Variants in FOXP2 observed in about 807,000 individuals in gnomAD.
FOXP2 encodes forkhead box protein P2.
A neutral mutation model predicts 115.8 loss-of-function variants in FOXP2; 12 were observed. That is an observed-to-expected ratio of 0.10 (90% confidence interval 0.07 to 0.17). FOXP2 has a LOEUF of 0.17. Ranked by LOEUF, FOXP2 falls within the 10% of genes least tolerant of loss-of-function variation. The pLI is 1.00. For missense variants in FOXP2, 629 were observed against 843.5 expected (o/e 0.75, Z 3.15); for synonymous variants, 328 against 297.7 (o/e 1.10, Z -1.05).
rs969118623 is a variant in FOXP2, at chr7:114,691,213, C to A, written c.*1287C>A. The A allele has an allele frequency of 2.2e-6, 1 of 453,906 alleles. No homozygotes were observed. Among genetic ancestry groups the A allele is most frequent in the African/African-American group, 2.0e-5 (1 of 50,076 alleles). 28.1% of individuals were successfully genotyped at this position (453,906 alleles called of 1,614,324 possible). On this transcript the variant is annotated 3_prime_UTR_variant, in exon 17 of 17. Coordinates refer to ENST00000350908, the MANE Select transcript of FOXP2 (RefSeq NM_014491.4). ...GTGAATACATGTTGTTAGAAGATGT[C>A]TTGTATGGTCTTAATCTTTGTTGTG...
chr7:114,402,461 C>T (rs757877723), intron 2 of FOXP2, among the ~76,000 whole-genome samples: 8 of 152,088 alleles, frequency 5.3e-5, no homozygotes, highest in Admixed American at 2.6e-4. Flanking sequence ...CAATTGCCTA[C>T]TGAAGTTTGC....
upstream of FOXP2, among the ~76,000 whole-genome samples, chr7:114,411,030 G>C (rs752814752): frequency 6.6e-6 from 1 of 152,060 alleles, no homozygotes; most frequent in Non-Finnish European, 1.5e-5. Context: ...CTTAGTGTTT[G>C]GGACAGGAAG....
intron 3 of FOXP2, among the ~76,000 whole-genome samples, chr7:114,546,098 A>T (rs1799910787): frequency 6.6e-6 from 1 of 152,178 alleles, no homozygotes; most frequent in African/African-American, 2.4e-5. Context: ...GTTTGTATAT[A>T]ACTCTATCAA....
intron 3 of FOXP2, among the ~76,000 whole-genome samples, chr7:114,589,192 C>T (rs562907767): frequency 6.6e-6 from 1 of 152,152 alleles, no homozygotes; most frequent in South Asian, 2.1e-4. Context: ...CTTCATCTCT[C>T]GCCACTTGTT....
intron 7 of FOXP2, among the ~76,000 whole-genome samples, 155 bp downstream of exon 7, chr7:114,642,778 TAATATATA>T (rs1210230864): frequency 1.4e-5 from 1 of 73,964 alleles, no homozygotes; most frequent in Non-Finnish European, 2.7e-5. Context: ...ATTTTATATA[TAATATATA>T]TATATATATA....
At chr7:114,110,339 G>GTATA (rs1447342674) in intron 1 of FOXP2, among the ~76,000 whole-genome samples, 1 of 152,108 alleles carries the variant, frequency 6.6e-6, no homozygotes, top group East Asian at 1.9e-4. Context: ...AGAATTAAAA[G>GTATA]TATATGTCAA....
chr7:114,105,356 C>G (rs911592431), intron 1 of FOXP2, among the ~76,000 whole-genome samples: 1 of 152,012 alleles, frequency 6.6e-6, no homozygotes, highest in African/African-American at 2.4e-5. Context: ...GAAGTCTAGA[C>G]AGCTTTCCAA....
intron 1 of FOXP2, among the ~76,000 whole-genome samples, chr7:114,281,098 T>TC (rs1172709465): frequency 7.4e-6 from 1 of 134,392 alleles, no homozygotes; most frequent in East Asian, 2.1e-4. Context: ...AATTTGAATT[T>TC]TTTTTTTTTT....
chr7:114,391,178 A>G (rs1792590936), intron 2 of FOXP2, among the ~76,000 whole-genome samples: 1 of 149,932 alleles, frequency 6.7e-6, no homozygotes, highest in African/African-American at 2.5e-5. Flanking sequence ...CAAGAGCAAG[A>G]CTCCATCTCA....
intron 1 of FOXP2, among the ~76,000 whole-genome samples, chr7:114,192,053 T>G (rs549359653): frequency 1.3e-5 from 2 of 152,350 alleles, no homozygotes; most frequent in East Asian, 3.9e-4. Flanking sequence ...TTCTCCTGCC[T>G]CAGCCTCCTG....
intron 1 of FOXP2, among the ~76,000 whole-genome samples, chr7:114,106,890 C>T (rs955762561): frequency 1.3e-5 from 2 of 151,732 alleles, no homozygotes; most frequent in Non-Finnish European, 2.9e-5. Flanking sequence ...ATTTGCTTTA[C>T]GTATGTTTTT....
rs564879764 is a variant in FOXP2, at chr7:114,209,738, T to C, written c.-102+46650T>C. 1.1e-4 allele frequency among the ~76,000 whole-genome samples: 16 copies of C among 152,318 alleles called. No individual in the cohort carries two copies. In the East Asian group the frequency reaches 2.7e-3, roughly 26 times the overall value. ...TTCTCCTTGATGGCATCCTGAAGTA[T>C]GTTTTTCAACTTTGTTTCATTCTCC... On this transcript the variant is annotated intron_variant, in intron 1 of 17. Coordinates refer to the FOXP2 transcript ENST00000634411.
rs778396336 is a variant in FOXP2, at chr7:114,652,222, G to T, written c.1114G>T (p.Ala372Ser). 7 of 1,612,868 alleles carry T rather than the reference G, an allele frequency of 4.3e-6. No homozygotes were observed. In the Admixed American group the frequency reaches 5.0e-5, roughly 12 times the overall value. The change falls in exon 9 of 17, where the codon GCA becomes TCA. Residue 372 changes from alanine (A) to serine (S), a missense_variant. Physicochemically the swap from Ala to Ser is moderately conservative, Grantham distance 99. This residue lies in a region of FOXP2 where 24 missense variants were observed against 76.3 expected (regional missense o/e 0.31). Transcript: ENST00000350908. ...QFLKHLNNEH[A>S]LDDRSTAQCR... The stretch of plus-strand genomic sequence containing the variant: ...GTTTAGGCACCTTAACAATGAACAC[G>T]CATTGGATGACCGAAGCACTGCTCA...
At chr7:114,434,129 C>T (rs899533862) in intron 2 of FOXP2, among the ~76,000 whole-genome samples, 2 of 151,794 alleles carry the variant, frequency 1.3e-5, no homozygotes, top group Non-Finnish European at 2.9e-5. Flanking sequence ...TCTAGTTTCT[C>T]TTTATTCACT....
intron 2 of FOXP2, among the ~76,000 whole-genome samples, chr7:114,390,409 A>T (rs1176192252): frequency 6.6e-6 from 1 of 152,124 alleles, no homozygotes; most frequent in Non-Finnish European, 1.5e-5. Flanking sequence ...ATTAATTCAG[A>T]TTATCAAAAA....
At chr7:114,475,709 A>G (rs920191906) in intron 2 of FOXP2, among the ~76,000 whole-genome samples, 19 of 152,150 alleles carry the variant, frequency 1.2e-4, no homozygotes, top group African/African-American at 4.6e-4. Context: ...ACTTTTCCTT[A>G]ATTAATAATC....
chr7:114,318,191 T>G (rs1309638615), intron 2 of FOXP2, among the ~76,000 whole-genome samples: 1 of 152,184 alleles, frequency 6.6e-6, no homozygotes, highest in Non-Finnish European at 1.5e-5. Context: ...GTGGACTGTT[T>G]GCGGAGTGAT....
intron 3 of FOXP2, among the ~76,000 whole-genome samples, chr7:114,547,004 G>A (rs1799956781): frequency 6.6e-6 from 1 of 152,162 alleles, no homozygotes; most frequent in Admixed American, 6.5e-5. Context: ...GATGAAACAA[G>A]TATTAAAGTA....
At chr7:114,667,117 GAT>G (rs1037929947) in intron 16 of FOXP2, 2 of 152,024 alleles carry the variant, frequency 1.3e-5, no homozygotes, top group African/African-American at 4.8e-5. Flanking sequence ...AAAGTAAGCA[GAT>G]CCATAAAACT....
Sources: gnomAD v4.1 joint callset for allele counts (sites outside exome capture counted in the v4.1 genomes callset) on GRCh38, gnomAD v4.1.1 for gene constraint, gnomAD v4.1.1 regional missense constraint, MANE v1.5 for transcripts, NCBI Gene and HGNC (gene_info 2026-07-23, HGNC 2026-07-21) for gene names.